The following MSRB3 variants were observed in gnomAD, a reference collection of about 807,000 sequenced individuals.
The protein encoded by MSRB3 is methionine-R-sulfoxide reductase B3.
Under a neutral mutation model 21.0 loss-of-function variants are expected in MSRB3, and 13 were observed. That is an observed-to-expected ratio of 0.62 (90% confidence interval 0.40 to 0.98). The LOEUF (loss-of-function observed/expected upper bound fraction) is 0.98, where lower values mean the gene tolerates loss of function less well. MSRB3 is among the 50% of genes least tolerant of loss of function. The pLI is 0.00. For synonymous variants in MSRB3, 87 were observed against 88.6 expected, an observed-to-expected ratio of 0.98 and a Z score of 0.10; for missense variants, 199 against 230.3, an observed-to-expected ratio of 0.86 and a Z score of 0.88.
intron 1 of MSRB3, chr12:65,285,520 CAG>C (rs1436843108): frequency 6.6e-6 from 1 of 152,142 alleles, no homozygotes; most frequent in Non-Finnish European, 1.5e-5. Flanking sequence ...ATAGGTGAAA[CAG>C]AGAAAGAATG....
rs1460862781 is a variant in MSRB3, at chr12:65,341,195, T to TA, written c.263+12593dup. 3.2e-4 allele frequency among the ~76,000 whole-genome samples: 49 copies of TA among 152,204 alleles called. 1 individual carries two copies. Among genetic ancestry groups the TA allele is most frequent in the Admixed American group, 2.2e-3 (34 of 15,264 alleles). On this transcript the variant is annotated intron_variant, in intron 4 of 6. Transcript: ENST00000308259. ...AGACGAATAGATAAAGAAAATGTGA[T>TA]ACATATACACAATGGAGTAGTATTC... is the stretch of plus-strand genomic sequence containing the variant.
intron 5 of MSRB3, chr12:65,419,583 G>T (rs1881168703): frequency 2.7e-6 from 2 of 730,614 alleles, no homozygotes; most frequent in Admixed American, 3.5e-5. Context: ...TGTGGACATT[G>T]TCCACAGTAT....
intron 5 of MSRB3, among the ~76,000 whole-genome samples, chr12:65,414,362 A>G (rs1360335152): frequency 2.0e-5 from 3 of 152,178 alleles, no homozygotes; most frequent in Admixed American, 6.5e-5. Flanking sequence ...CATGCATCTC[A>G]TAATCACATT....
At chr12:65,456,856 G>A (rs542097542) in intron 6 of MSRB3, among the ~76,000 whole-genome samples, 5 of 152,334 alleles carry the variant, frequency 3.3e-5, no homozygotes, top group African/African-American at 1.2e-4. Context: ...TGTGGATGGA[G>A]GAGGGGGTGT....
chr12:65,436,148 G>GA (rs1318816796), intron 5 of MSRB3, among the ~76,000 whole-genome samples: 9 of 151,712 alleles, frequency 5.9e-5, no homozygotes, highest in East Asian at 3.9e-4. Flanking sequence ...ATTTCGATGG[G>GA]AAAAAAATCC....
At chr12:65,320,474 G>T (rs1258549792) in intron 2 of MSRB3, among the ~76,000 whole-genome samples, 1 of 152,160 alleles carries the variant, frequency 6.6e-6, no homozygotes, top group African/African-American at 2.4e-5. Flanking sequence ...TGTTTCAGAA[G>T]GGCAACAGCA....
intron 5 of MSRB3, among the ~76,000 whole-genome samples, chr12:65,414,688 A>G (rs575520807): frequency 4.6e-5 from 7 of 152,338 alleles, no homozygotes; most frequent in African/African-American, 1.7e-4. Flanking sequence ...CGTAAGCAAC[A>G]TGTGACTGTA....
rs964157019 is a variant in MSRB3 at position 65,464,010 on chromosome 12, C to G, written c.*688C>G. On this transcript the variant is annotated 3_prime_UTR_variant, in exon 7 of 7. Coordinates refer to ENST00000308259, the MANE Select transcript of MSRB3 (RefSeq NM_001031679.3). ...GCATTGGAGGCCCAGTGCAATGGCTCACGCCTGTGATCCCAGCACTTTGGG... is the reference window on the plus strand; with the variant it reads ...GCATTGGAGGCCCAGTGCAATGGCTGACGCCTGTGATCCCAGCACTTTGGG... 1.3e-5 allele frequency: 2 copies of G among 152,480 alleles called. No individual in the cohort carries two copies. Among genetic ancestry groups the G allele is most frequent in the Non-Finnish European group, 1.5e-5 (1 of 68,268 alleles). 9.4% of individuals were successfully genotyped at this position (152,480 alleles called of 1,614,324 possible).
At chr12:65,427,064 A>T (rs995054261) in intron 5 of MSRB3, among the ~76,000 whole-genome samples, 3 of 152,096 alleles carry the variant, frequency 2.0e-5, no homozygotes, top group Admixed American at 6.5e-5. Flanking sequence ...CCTACTGGGA[A>T]ATTATTGTGT....
intron 5 of MSRB3, among the ~76,000 whole-genome samples, chr12:65,380,770 G>A (rs1393477907): frequency 1.3e-5 from 2 of 152,128 alleles, no homozygotes; most frequent in Non-Finnish European, 2.9e-5. Flanking sequence ...CCAAAGCACA[G>A]GAAGTTTAGA....
intron 5 of MSRB3, chr12:65,419,178 C>A: frequency 1.4e-6 from 1 of 696,556 alleles, no homozygotes; most frequent in South Asian, 1.5e-5. Flanking sequence ...GCATGGTGAC[C>A]ACTGTGGTAC....
chr12:65,388,552 G>C (rs1879309084), intron 5 of MSRB3, among the ~76,000 whole-genome samples: 1 of 152,218 alleles, frequency 6.6e-6, no homozygotes, highest in Non-Finnish European at 1.5e-5. Context: ...ACTAAATTGA[G>C]CAGCTTTTTA....
At chr12:65,376,224 A>G (rs550880790) in intron 5 of MSRB3, among the ~76,000 whole-genome samples, 31 of 145,912 alleles carry the variant, frequency 2.1e-4, no homozygotes, top group African/African-American at 6.9e-4. Flanking sequence ...GGTTCACGCC[A>G]TTCTCCTGCC....
At chr12:65,352,764 G>A in intron 4 of MSRB3, among the ~76,000 whole-genome samples, 1 of 150,878 alleles carries the variant, frequency 6.6e-6, no homozygotes, top group African/African-American at 2.4e-5. Flanking sequence ...CAAGGGATGT[G>A]AAGGACCTCT....
intron 5 of MSRB3, among the ~76,000 whole-genome samples, chr12:65,373,482 T>C (rs1050218368): frequency 6.6e-6 from 1 of 152,160 alleles, no homozygotes; most frequent in African/African-American, 2.4e-5. Flanking sequence ...TTAAATGGTA[T>C]AGATTCATGG....
At chr12:65,406,774 G>C (rs1880436583) in intron 5 of MSRB3, among the ~76,000 whole-genome samples, 1 of 152,138 alleles carries the variant, frequency 6.6e-6, no homozygotes, top group East Asian at 1.9e-4. Flanking sequence ...ATAATGTTAA[G>C]AGCTGGGGTC....
At chr12:65,410,314 G>C (rs1208179267) in intron 5 of MSRB3, among the ~76,000 whole-genome samples, 3 of 152,132 alleles carry the variant, frequency 2.0e-5, no homozygotes, top group Non-Finnish European at 4.4e-5. Flanking sequence ...ATCAATGCTT[G>C]TTGGCATTTT....
At chr12:65,389,404 C>T (rs1357442720) in intron 5 of MSRB3, among the ~76,000 whole-genome samples, 1 of 152,154 alleles carries the variant, frequency 6.6e-6, no homozygotes, top group Non-Finnish European at 1.5e-5. Flanking sequence ...CTCTTCATTA[C>T]CTCCTTCAGA....
intron 5 of MSRB3, among the ~76,000 whole-genome samples, chr12:65,445,610 A>G (rs1198511544): frequency 6.6e-6 from 1 of 151,042 alleles, no homozygotes; most frequent in Non-Finnish European, 1.5e-5. Context: ...AATTTCATGT[A>G]TATTGTAAAT....
Sources: allele counts gnomAD v4.1 joint callset (sites outside exome capture counted in the v4.1 genomes callset), GRCh38; gene constraint gnomAD v4.1.1; transcripts MANE v1.5; gene names NCBI Gene and HGNC (gene_info 2026-07-23, HGNC 2026-07-21).